The following PTPRZ1 variants were observed in gnomAD, a reference collection of about 807,000 sequenced individuals.
PTPRZ1 encodes receptor-type tyrosine-protein phosphatase zeta.
A neutral mutation model predicts 214.1 loss-of-function variants in PTPRZ1; 82 were observed. The ratio of observed to expected loss-of-function variants is 0.38; its 90% CI spans 0.32 to 0.46. PTPRZ1 has a LOEUF of 0.46. Among genes scored for constraint, PTPRZ1 ranks in the 20% least tolerant of loss-of-function variants. The probability of loss-of-function intolerance (pLI) is 1.00; values close to 1 mark genes in which losing one functional copy is unlikely to be tolerated. For synonymous variants in PTPRZ1, 945 were observed against 987.9 expected (o/e 0.96, Z 0.81); for missense variants, 2,603 against 2,748.7 (o/e 0.95, Z 1.19).
chr7:121,982,398 A>G (rs1797638663), intron 6 of PTPRZ1, among the ~76,000 whole-genome samples: 1 of 152,208 alleles, frequency 6.6e-6, no homozygotes, highest in South Asian at 2.1e-4. Context: ...TTTTAGAATC[A>G]ATATGTCAAT....
chr7:122,037,159 C>T (rs551306338), intron 18 of PTPRZ1, among the ~76,000 whole-genome samples: 1 of 152,102 alleles, frequency 6.6e-6, no homozygotes, highest in South Asian at 2.1e-4. Context: ...CCTGTAGTCC[C>T]AGCTACTCGG....
intron 1 of PTPRZ1, chr7:121,908,849 G>A (rs866272481): frequency 7.2e-5 from 35 of 484,802 alleles, no homozygotes; most frequent in African/African-American, 5.8e-4. Context: ...ATATAGTTTT[G>A]TATATGGAAA....
intron 22 of PTPRZ1, among the ~76,000 whole-genome samples, chr7:122,044,016 T>A (rs1323945822): frequency 6.6e-6 from 1 of 152,196 alleles, no homozygotes; most frequent in African/African-American, 2.4e-5. Context: ...TGAGTTAAAT[T>A]GTATATGACA....
chr7:122,035,372 T>A (rs1012752713), intron 17 of PTPRZ1, among the ~76,000 whole-genome samples: 1 of 152,164 alleles, frequency 6.6e-6, no homozygotes, highest in African/African-American at 2.4e-5. Context: ...TGGCTACACA[T>A]AAAACTCACT....
chr7:121,979,693 A>G (rs1328860457), intron 6 of PTPRZ1, among the ~76,000 whole-genome samples: 1 of 152,196 alleles, frequency 6.6e-6, no homozygotes, highest in Non-Finnish European at 1.5e-5. Flanking sequence ...TACATGTTCA[A>G]GCAAATAATG....
intron 1 of PTPRZ1, among the ~76,000 whole-genome samples, chr7:121,888,109 A>G (rs1438829715): frequency 1.3e-5 from 2 of 151,996 alleles, no homozygotes; most frequent in Non-Finnish European, 2.9e-5. Flanking sequence ...AGGAAAACCT[A>G]TTTTCCTTAG....
At chr7:121,943,576 G>T (rs537604631) in intron 2 of PTPRZ1, among the ~76,000 whole-genome samples, 1 of 152,190 alleles carries the variant, frequency 6.6e-6, no homozygotes, top group East Asian at 1.9e-4. Context: ...CTGACCTCGT[G>T]ATCCTCCCGC....
At chr7:122,059,557 C>T (rs1345257494) in intron 28 of PTPRZ1, 196 bp from the exon 29 acceptor site, 1 of 580,466 alleles carries the variant, frequency 1.7e-6, no homozygotes, top group Non-Finnish European at 2.9e-6. Flanking sequence ...AAGTATTCCA[C>T]TATTGATATC....
intron 2 of PTPRZ1, among the ~76,000 whole-genome samples, chr7:121,928,699 G>T (rs1402696532): frequency 6.6e-6 from 1 of 152,124 alleles, no homozygotes; most frequent in African/African-American, 2.4e-5. Flanking sequence ...CTCAGAAGGG[G>T]CATTCTTCTG....
chr7:121,878,604 G>T (rs1314764444), intron 1 of PTPRZ1, among the ~76,000 whole-genome samples: 2 of 152,122 alleles, frequency 1.3e-5, no homozygotes, highest in African/African-American at 4.8e-5. Context: ...GAGATTAACT[G>T]CTGGTTCGGG....
At chr7:121,988,888 G>A (rs1179326405) in intron 8 of PTPRZ1, among the ~76,000 whole-genome samples, 1 of 152,156 alleles carries the variant, frequency 6.6e-6, no homozygotes, top group African/African-American at 2.4e-5. Context: ...GAAGAATACA[G>A]TACAGTAGGA....
At chr7:121,987,270 T>C (rs1797787015) in intron 8 of PTPRZ1, among the ~76,000 whole-genome samples, 1 of 152,110 alleles carries the variant, frequency 6.6e-6, no homozygotes, top group African/African-American at 2.4e-5. Context: ...GCTGCTACCC[T>C]CATCCCACCC....
Position 122,017,467 on chromosome 7 carries a change from A to C in PTPRZ1, c.4844-1657A>C, listed in dbSNP as rs141127580. ...CCTTTGAATTCCATTTTTCCTAGTA[A>C]ATGCATTTATAGTTATAAGACCAAA... On this transcript the variant is annotated intron_variant, in intron 12 of 29. Coordinates refer to ENST00000393386, the MANE Select transcript of PTPRZ1 (RefSeq NM_002851.3). Among the ~76,000 whole-genome samples the C allele has an allele frequency of 3.5e-3, 528 of 152,118 alleles. 3 individuals carry two copies. Among genetic ancestry groups the C allele is most frequent in the African/African-American group, 0.012 (507 of 41,514 alleles).
intron 2 of PTPRZ1, among the ~76,000 whole-genome samples, chr7:121,958,716 T>A (rs1796784856): frequency 6.6e-6 from 1 of 152,190 alleles, no homozygotes; most frequent in Non-Finnish European, 1.5e-5. Flanking sequence ...TACACTCAGG[T>A]ATGTCCCCGT....
intron 1 of PTPRZ1, among the ~76,000 whole-genome samples, chr7:121,914,546 T>C (rs977005574): frequency 1.3e-5 from 2 of 152,174 alleles, no homozygotes; most frequent in Admixed American, 6.5e-5. Context: ...CATTAAGCCA[T>C]GAAAAGGATC....
intron 7 of PTPRZ1, 60 bp downstream of exon 7, chr7:121,983,882 C>A (rs1270533894): frequency 1.3e-6 from 2 of 1,588,212 alleles, no homozygotes; most frequent in Non-Finnish European, 1.7e-6. Flanking sequence ...ACATTATGTT[C>A]TAAGTTTGCT....
rs139190396 is a variant in PTPRZ1, at chr7:122,029,084, T to C, written c.5080+441T>C. On this transcript the variant is annotated intron_variant, in intron 14 of 29. Coordinates refer to ENST00000393386, the MANE Select transcript of PTPRZ1 (RefSeq NM_002851.3). The stretch of plus-strand genomic sequence containing the variant: ...GTTCCTTTCTGATTACTTGAGTTTA[T>C]GTGAGAAAAGGGTTTTTTTTTTTTA... Among the ~76,000 whole-genome samples, 53 of 150,284 alleles carry C rather than the reference T, an allele frequency of 3.5e-4. 1 individual carries two copies. The highest frequency in any genetic ancestry group is 1.2e-3 in the African/African-American group (51 of 40,806).
chr7:121,873,523 C>T lies in PTPRZ1; in HGVS notation c.24C>T (p.Leu8=), dbSNP rs140414935. The change falls in exon 1 of 30, where the codon CTC becomes CTT. Residue 8 remains leucine (L), a synonymous_variant. Transcript: ENST00000393386. Reference sequence around the variant, plus strand: ...AAATGCGAATCCTAAAGCGTTTCCTCGCTTGCATTCAGCTCCTCTGTGTTT... The same window carrying T: ...AAATGCGAATCCTAAAGCGTTTCCTTGCTTGCATTCAGCTCCTCTGTGTTT... MRILKRF[L]ACIQLLCVCR... The T allele has an allele frequency of 3.9e-3, 6,292 of 1,613,994 alleles. 14 individuals carry two copies. Among genetic ancestry groups the T allele is most frequent in the Non-Finnish European group, 4.8e-3 (5,677 of 1,180,022 alleles).
Position 122,040,853 on chromosome 7 carries a change from C to T in PTPRZ1, c.5675C>T (p.Thr1892Ile), listed in dbSNP as rs770249923. 9.4e-6 allele frequency: 15 copies of T among 1,595,788 alleles called. No individual in the cohort carries two copies. In the South Asian group the frequency reaches 1.4e-4, roughly 15 times the overall value. ...QKGRPSGRVV[T>I]QYHYTQWPDM... is the part of the protein sequence containing the mutation. The stretch of plus-strand genomic sequence containing the variant: ...GGAAGACCCAGTGGACGTGTGGTCA[C>T]ACAGTATCACTACACGCAGTGGCCT... The change falls in exon 21 of 30, where the codon ACA (threonine) becomes ATA (isoleucine). Residue 1892 changes from threonine to isoleucine, a missense_variant. Physicochemically the swap from Thr to Ile is moderately conservative, Grantham distance 89. Transcript: ENST00000393386.
Sources: allele counts gnomAD v4.1 joint callset (sites outside exome capture counted in the v4.1 genomes callset), GRCh38; gene constraint gnomAD v4.1.1; transcripts MANE v1.5; gene names NCBI Gene and HGNC (gene_info 2026-07-23, HGNC 2026-07-21).